The following RAPGEF4 variants were observed in gnomAD, a reference collection of about 807,000 sequenced individuals.
RAPGEF4 encodes the protein Rap guanine nucleotide exchange factor 4.
A neutral mutation model predicts 147.9 loss-of-function variants in RAPGEF4; 66 were observed. The observed-to-expected ratio is 0.45, with a 90% CI of 0.37 to 0.55. The LOEUF is 0.55. Ranked by LOEUF, RAPGEF4 falls within the 20% of genes least tolerant of loss-of-function variation. The pLI, the probability that RAPGEF4 is intolerant of heterozygous loss-of-function variation, is 0.00. For synonymous variants in RAPGEF4, 419 were observed against 442.7 expected (o/e 0.95, Z 0.67); for missense variants, 1,071 against 1,257.3 (o/e 0.85, Z 2.24).
intron 4 of RAPGEF4, among the ~76,000 whole-genome samples, chr2:172,848,249 C>T (rs1390661515): frequency 6.6e-6 from 1 of 152,136 alleles, no homozygotes; most frequent in Non-Finnish European, 1.5e-5. Context: ...GCAGTGACAC[C>T]TGGTTCTAAT....
chr2:173,020,931 T>C (rs1351664555), intron 23 of RAPGEF4, among the ~76,000 whole-genome samples: 5 of 152,248 alleles, frequency 3.3e-5, no homozygotes, highest in Non-Finnish European at 7.3e-5. Flanking sequence ...AGCACCACTA[T>C]TAGGGCATAA....
Position 172,947,757 on chromosome 2 carries a change from T to C in RAPGEF4, c.538-13003T>C, listed in dbSNP as rs1374366790. 2.6e-5 allele frequency among the ~76,000 whole-genome samples: 4 copies of C among 152,076 alleles called. No individual in the cohort carries two copies. The East Asian group carries it at 5.8e-4, about 22-fold the overall frequency. On this transcript the variant is annotated intron_variant, in intron 6 of 30. Transcript: ENST00000397081. The stretch of plus-strand genomic sequence containing the variant: ...GAGGGTTGGTAAGTACTTTCTTAAA[T>C]TTTTTTTGATAAGAAGTTCTAAATC...
chr2:172,918,691 C>T lies in RAPGEF4; in HGVS notation c.517+817C>T, dbSNP rs896644865. On this transcript the variant is annotated intron_variant, in intron 5 of 30. Coordinates refer to ENST00000397081, the MANE Select transcript of RAPGEF4 (RefSeq NM_007023.4). ...GCATGTCGGAAACATGGTTAGCGTT[C>T]GTTACCATTGCATCTGTGAGTCTCC... Among the ~76,000 whole-genome samples the T allele has an allele frequency of 5.9e-5, 9 of 152,202 alleles. No individual in the cohort carries two copies. In the South Asian group the frequency reaches 1.0e-3, roughly 18 times the overall value.
Position 172,917,846 on chromosome 2 carries a change from T to C in RAPGEF4, c.489T>C (p.Gly163=). The C allele has an allele frequency of 6.2e-7, 1 of 1,613,974 alleles. No individual in the cohort carries two copies. Residue 163 remains glycine (G), a synonymous_variant, in exon 5 of 31, where the codon GGT becomes GGC. Transcript: ENST00000397081. ...CAGGACTTCTGGCTCCTCCTTATGG[T>C]GTTATGGAAACGGGCTCTAACAATG... The part of the protein sequence containing the change: ...YMAGLLAPPY[G]VMETGSNNDR...
intron 4 of RAPGEF4, 62 bp downstream of exon 4, chr2:172,814,487 T>C (rs769722000): frequency 1.3e-6 from 2 of 1,539,198 alleles, no homozygotes; most frequent in African/African-American, 1.4e-5. Context: ...AGCTGCCACA[T>C]GGATAATGGC....
intron 4 of RAPGEF4, among the ~76,000 whole-genome samples, chr2:172,825,438 A>G (rs954563044): frequency 6.6e-6 from 1 of 152,228 alleles, no homozygotes; most frequent in Non-Finnish European, 1.5e-5. Context: ...GACTGGCTCT[A>G]TGTGTGTCCA....
chr2:172,888,718 T>A (rs1056572572), intron 4 of RAPGEF4, among the ~76,000 whole-genome samples: 3 of 152,232 alleles, frequency 2.0e-5, no homozygotes, highest in Non-Finnish European at 2.9e-5. Flanking sequence ...AATATCAGCT[T>A]GGTGACGTGG....
At chr2:172,817,902 A>ATT (rs1688665420) in intron 4 of RAPGEF4, among the ~76,000 whole-genome samples, 1 of 141,914 alleles carries the variant, frequency 7.0e-6, no homozygotes, top group African/African-American at 2.6e-5. Flanking sequence ...ATATATCACA[A>ATT]TTATATATAT....
At chr2:172,919,520 C>A (rs924202138) in intron 5 of RAPGEF4, among the ~76,000 whole-genome samples, 16 of 152,116 alleles carry the variant, frequency 1.1e-4, no homozygotes, top group Non-Finnish European at 2.4e-4. Context: ...TGGTCTCTTC[C>A]ATAGGTACTT....
intron 4 of RAPGEF4, among the ~76,000 whole-genome samples, chr2:172,862,664 TA>T (rs1288772204): frequency 6.6e-6 from 1 of 152,226 alleles, no homozygotes; most frequent in South Asian, 2.1e-4. Flanking sequence ...TGGAGATGCT[TA>T]ATTTTTCTGT....
At chr2:172,836,632 A>G (rs1690967446) in intron 4 of RAPGEF4, among the ~76,000 whole-genome samples, 1 of 152,206 alleles carries the variant, frequency 6.6e-6, no homozygotes, top group African/African-American at 2.4e-5. Flanking sequence ...AAGAGACTTG[A>G]GGATGTGACA....
chr2:172,853,955 C>T (rs1282300007), intron 4 of RAPGEF4, among the ~76,000 whole-genome samples: 4 of 151,938 alleles, frequency 2.6e-5, no homozygotes, highest in Admixed American at 6.6e-5. Context: ...CTAGGGTTTT[C>T]GCTCAGTACC....
At chr2:172,923,860 T>C (rs573986713) in intron 6 of RAPGEF4, among the ~76,000 whole-genome samples, 1 of 152,370 alleles carries the variant, frequency 6.6e-6, no homozygotes, top group East Asian at 1.9e-4. Context: ...ATTTTCTAGC[T>C]ACTCTTCACC....
intron 4 of RAPGEF4, among the ~76,000 whole-genome samples, chr2:172,817,284 A>G (rs1250049084): frequency 6.6e-6 from 1 of 152,208 alleles, no homozygotes; most frequent in Non-Finnish European, 1.5e-5. Flanking sequence ...AGAGCATAAT[A>G]TATCATTAAA....
In RAPGEF4 at chr2:172,964,009, A is replaced by G. The variant is rs533397608; in HGVS notation, c.699-1553A>G. 2.6e-5 allele frequency among the ~76,000 whole-genome samples: 4 copies of G among 152,340 alleles called. No individual in the cohort carries two copies. In the South Asian group the frequency reaches 8.3e-4, roughly 32 times the overall value. On this transcript the variant is annotated intron_variant, in intron 8 of 30. Coordinates refer to ENST00000397081, the MANE Select transcript of RAPGEF4 (RefSeq NM_007023.4). ...GTAAGGACTCATCAGACGCTCTGGG[A>G]TCATCTCGAGTCTGTGTACTCTTTT...
intron 1 of RAPGEF4, among the ~76,000 whole-genome samples, chr2:172,736,960 A>G (rs1190481642): frequency 6.6e-6 from 1 of 152,194 alleles, no homozygotes; most frequent in Non-Finnish European, 1.5e-5. Flanking sequence ...TGACATCTCT[A>G]TTTGCATTTG....
chr2:173,022,291 A>C (rs3754751), intron 23 of RAPGEF4, among the ~76,000 whole-genome samples: 105,403 of 152,170 alleles, frequency 0.69, 39,055 homozygotes, highest in East Asian at 0.88. Flanking sequence ...GTTGGCACAC[A>C]GTCCTGCAGC....
chr2:172,792,157 G>A (rs1417365653), intron 1 of RAPGEF4, among the ~76,000 whole-genome samples: 4 of 152,326 alleles, frequency 2.6e-5, no homozygotes, highest in East Asian at 1.9e-4. Context: ...TCTGCCTCCC[G>A]GGAAGTGTGC....
chr2:173,002,868 A>T (rs1478571568), intron 17 of RAPGEF4, among the ~76,000 whole-genome samples: 1 of 152,188 alleles, frequency 6.6e-6, no homozygotes, highest in Non-Finnish European at 1.5e-5. Flanking sequence ...TACATACATT[A>T]TATATTTTTT....
Sources: allele counts gnomAD v4.1 joint callset (sites outside exome capture counted in the v4.1 genomes callset), GRCh38; gene constraint gnomAD v4.1.1; transcripts MANE v1.5; gene names NCBI Gene and HGNC (gene_info 2026-07-23, HGNC 2026-07-21).